Variants in KIF16B observed in about 807,000 individuals in gnomAD.
KIF16B encodes the protein kinesin family member 16B.
A neutral mutation model predicts 156.3 loss-of-function variants in KIF16B; 98 were observed. The observed-to-expected ratio is 0.63, with a 90% CI of 0.53 to 0.74. The LOEUF (loss-of-function observed/expected upper bound fraction) is 0.74, where lower values mean the gene tolerates loss of function less well. Ranked by LOEUF, KIF16B falls within the 30% of genes least tolerant of loss-of-function variation. The pLI is 0.00. For missense variants in KIF16B, 1,421 were observed against 1,606.5 expected (o/e 0.88, Z 1.97); for synonymous variants, 564 against 583.7 (o/e 0.97, Z 0.49).
chr20:16,544,713 C>T (rs1334148086), intron 1 of KIF16B, among the ~76,000 whole-genome samples: 2 of 151,424 alleles, frequency 1.3e-5, no homozygotes, highest in Non-Finnish European at 2.9e-5. Context: ...ACAGCAGTTA[C>T]CACATTTGAC....
intron 25 of KIF16B, among the ~76,000 whole-genome samples, chr20:16,275,150 T>C (rs1228491782): frequency 6.6e-6 from 1 of 150,734 alleles, no homozygotes; most frequent in African/African-American, 2.4e-5. Context: ...GTCTCCTGGG[T>C]TCAAGCAATT....
intron 1 of KIF16B, among the ~76,000 whole-genome samples, chr20:16,535,162 T>A (rs1460169160): frequency 1.3e-5 from 2 of 152,176 alleles, no homozygotes; most frequent in African/African-American, 2.4e-5. Flanking sequence ...TGTGTCCTCC[T>A]CAATTTCTTT....
chr20:16,408,626 A>G (rs2065844476), intron 15 of KIF16B, among the ~76,000 whole-genome samples: 1 of 152,162 alleles, frequency 6.6e-6, no homozygotes, highest in South Asian at 2.1e-4. Flanking sequence ...GGAAAAATAG[A>G]ATGGTATTTC....
chr20:16,542,647 C>G (rs1375564848), intron 1 of KIF16B, among the ~76,000 whole-genome samples: 1 of 152,136 alleles, frequency 6.6e-6, no homozygotes, highest in East Asian at 1.9e-4. Context: ...AGGCAAGAAC[C>G]AGCCAGAGAC....
chr20:16,526,284 G>T, intron 2 of KIF16B, 79 bp from the exon 3 acceptor site: 2 of 636,374 alleles, frequency 3.1e-6, no homozygotes, highest in South Asian at 3.1e-5. Context: ...TTTATACCCT[G>T]ACTAAAAACC....
At chr20:16,519,208 C>T (rs1311670775) in intron 3 of KIF16B, among the ~76,000 whole-genome samples, 8 of 152,176 alleles carry the variant, frequency 5.3e-5, no homozygotes, top group African/African-American at 7.2e-5. Flanking sequence ...TCTTTCCTCT[C>T]CCAGGCCTTC....
At chr20:16,429,026 A>G (rs182113382) in intron 13 of KIF16B, 22 bp from the exon 14 acceptor site, 253 of 1,597,144 alleles carry the variant, frequency 1.6e-4, no homozygotes, top group Admixed American at 6.0e-4. Context: ...ACCCAAGCAA[A>G]ATGTATTAGT....
At chr20:16,398,994 G>A (rs2065582609) in intron 17 of KIF16B, among the ~76,000 whole-genome samples, 1 of 152,156 alleles carries the variant, frequency 6.6e-6, no homozygotes, top group South Asian at 2.1e-4. Context: ...AATTAAGAGG[G>A]TCAGCCCCTA....
intron 25 of KIF16B, among the ~76,000 whole-genome samples, chr20:16,278,186 G>A (rs2063093045): frequency 6.6e-6 from 1 of 152,154 alleles, no homozygotes; most frequent in Non-Finnish European, 1.5e-5. Flanking sequence ...GAGAGAGACA[G>A]GGGGCCACAG....
chr20:16,460,396 A>G (rs757075542), intron 12 of KIF16B, among the ~76,000 whole-genome samples: 8 of 151,922 alleles, frequency 5.3e-5, no homozygotes, highest in Admixed American at 3.3e-4. Context: ...GTCTGGTGAA[A>G]CCCCATCTCT....
chr20:16,504,830 G>C (rs1378378081), intron 9 of KIF16B, among the ~76,000 whole-genome samples: 3 of 152,004 alleles, frequency 2.0e-5, no homozygotes, highest in Non-Finnish European at 4.4e-5. Context: ...AGTTTTCCCT[G>C]CTGAAAACGT....
intron 15 of KIF16B, among the ~76,000 whole-genome samples, chr20:16,425,438 C>A (rs1007575712): frequency 3.9e-5 from 6 of 152,040 alleles, no homozygotes; most frequent in African/African-American, 1.4e-4. Flanking sequence ...AATAATGATG[C>A]ATTCTTTTTT....
At chr20:16,345,941 G>T (rs893777587) in intron 23 of KIF16B, among the ~76,000 whole-genome samples, 1 of 152,222 alleles carries the variant, frequency 6.6e-6, no homozygotes, top group Non-Finnish European at 1.5e-5. Flanking sequence ...CTTTGGGAAC[G>T]TTCACCGGCT....
chr20:16,393,221 T>A (rs906724293), intron 17 of KIF16B, among the ~76,000 whole-genome samples: 1 of 152,228 alleles, frequency 6.6e-6, no homozygotes. Context: ...GTTTTCTTGG[T>A]GAAAAGATTA....
intron 12 of KIF16B, among the ~76,000 whole-genome samples, chr20:16,450,747 T>A (rs2067058101): frequency 6.6e-6 from 1 of 152,260 alleles, no homozygotes; most frequent in South Asian, 2.1e-4. Context: ...AGTGTCAGGA[T>A]GAGCTGAGCT....
chr20:16,468,845 T>G (rs1432014968), intron 12 of KIF16B, among the ~76,000 whole-genome samples: 1 of 152,180 alleles, frequency 6.6e-6, no homozygotes, highest in Admixed American at 6.5e-5. Context: ...TAAGGGAATC[T>G]GATTAACACC....
At chr20:16,430,081 T>C in intron 12 of KIF16B, 99 bp from the exon 13 acceptor site, 1 of 1,265,698 alleles carries the variant, frequency 7.9e-7, no homozygotes, top group Non-Finnish European at 1.1e-6. Flanking sequence ...ATATTTTATT[T>C]CTCATCTAAA....
chr20:16,508,522 C>T (rs2147034464), intron 6 of KIF16B, among the ~76,000 whole-genome samples: 2 of 152,282 alleles, frequency 1.3e-5, no homozygotes, highest in South Asian at 4.1e-4. Context: ...TGGTTATATT[C>T]TCATTAGGAG....
chr20:16,456,584 C>T (rs1000965490), intron 12 of KIF16B, among the ~76,000 whole-genome samples: 2 of 152,050 alleles, frequency 1.3e-5, no homozygotes, highest in Non-Finnish European at 2.9e-5. Context: ...TAAAAGAGAT[C>T]GCTAACATCA....
Sources: allele counts gnomAD v4.1 joint callset (sites outside exome capture counted in the v4.1 genomes callset), GRCh38; gene constraint gnomAD v4.1.1; transcripts MANE v1.5; gene names NCBI Gene and HGNC (gene_info 2026-07-23, HGNC 2026-07-21).